The following DUSP28 variants were observed in gnomAD, a reference collection of about 807,000 sequenced individuals.
The protein encoded by DUSP28 is dual specificity phosphatase 28.
In DUSP28, 11 loss-of-function variants were observed where a neutral mutation model predicts 8.4. The ratio of observed to expected loss-of-function variants is 1.31; its 90% confidence interval spans 0.83 to 2.17. The LOEUF is 2.17. Ranked by LOEUF, DUSP28 falls within the 30% of genes most tolerant of loss-of-function variation. The pLI is 0.00. For synonymous variants in DUSP28, 178 were observed against 130.9 expected (o/e 1.36, Z -2.46); for missense variants, 373 against 270.4 (o/e 1.38, Z -2.66).
Position 240,561,273 on chromosome 2 carries a change from G to A in DUSP28, c.394-57G>A, listed in dbSNP as rs893548745. The A allele has an allele frequency of 6.8e-6, 11 of 1,611,358 alleles. No homozygotes were observed. The Admixed American group carries it at 1.8e-4, about 27-fold the overall frequency. ...CCACTCTTACAGCTGGGCCCGCCTT[G>A]GCCCCTGCTGGCCATTAGCGCGACT... On this transcript the variant is annotated intron_variant, in intron 1 of 1. Coordinates refer to ENST00000405954, the MANE Select transcript of DUSP28 (RefSeq NM_001370465.2).
rs1397408163 is a variant in DUSP28 at position 240,564,495 on chromosome 2, T to C, written c.*3028T>C. Among the ~76,000 whole-genome samples, 1 of 152,234 alleles carries C rather than the reference T, an allele frequency of 6.6e-6. No individual in the cohort carries two copies. Among genetic ancestry groups the C allele is most frequent in the Non-Finnish European group, 1.5e-5 (1 of 68,042 alleles). On this transcript the variant is annotated 3_prime_UTR_variant, in exon 2 of 2. Coordinates refer to ENST00000405954, the MANE Select transcript of DUSP28 (RefSeq NM_001370465.2). The stretch of plus-strand genomic sequence containing the variant: ...CATGGACCCCTGCACCACCATCTGC[T>C]CCGTCCTCTCCCTCTGGTCAGCTCA...
chr2:240,565,099 C>T lies in DUSP28; in HGVS notation c.*3632C>T, dbSNP rs948712881. On this transcript the variant is annotated 3_prime_UTR_variant, in exon 2 of 2. Coordinates refer to ENST00000405954, the MANE Select transcript of DUSP28 (RefSeq NM_001370465.2). ...GGACATCCTGTGGCCTAAAGACTATCCTAGAATCAACACTCCTTAAATAGG... is the reference window on the plus strand; with the variant it reads ...GGACATCCTGTGGCCTAAAGACTATTCTAGAATCAACACTCCTTAAATAGG... 2.0e-5 allele frequency among the ~76,000 whole-genome samples: 3 copies of T among 152,160 alleles called. No homozygotes were observed. Among genetic ancestry groups the T allele is most frequent in the South Asian group, 2.1e-4 (1 of 4,826 alleles).
Position 240,564,319 on chromosome 2 carries a change from TC to T in DUSP28, c.*2854del, listed in dbSNP as rs2092995777. Among the ~76,000 whole-genome samples, 2 of 152,140 alleles carry T rather than the reference TC, an allele frequency of 1.3e-5. No individual in the cohort carries two copies. Among genetic ancestry groups the T allele is most frequent in the South Asian group, 4.1e-4 (2 of 4,824 alleles). ...GTCCTGCCACCAGTGCCCTCTGAGG[TC>T]CATGGTCCCACGGCACCACGGCCGC... On this transcript the variant is annotated 3_prime_UTR_variant, in exon 2 of 2. Transcript: ENST00000405954.
chr2:240,560,774 C>T lies in DUSP28; in HGVS notation c.90C>T (p.Ser30=). The change falls in exon 1 of 2, where the codon AGC becomes AGT. Residue 30 remains serine, a synonymous_variant. Coordinates refer to ENST00000405954, the MANE Select transcript of DUSP28 (RefSeq NM_001370465.2). ...TCGCGCCCTCACTCTTCCTCGGGAG[C>T]GCGCGAGCCGCGGGCGCGGAGGAGC... ...VRVAPSLFLG[S]ARAAGAEEQL... The T allele has an allele frequency of 6.9e-7, 1 of 1,455,688 alleles. No homozygotes were observed. The highest frequency in any genetic ancestry group is 1.3e-5 in the South Asian group (1 of 74,684). The allele number at this position is 1,455,688 out of a possible 1,614,324, so 90.2% of individuals were successfully genotyped here. A position where few individuals can be genotyped will look rare whatever the true frequency, so the allele number is the denominator to read the frequency against.
rs1313358962 is a variant in DUSP28, at chr2:240,563,569, C to T, written c.*2102C>T. On this transcript the variant is annotated 3_prime_UTR_variant, in exon 2 of 2. Coordinates refer to ENST00000405954, the MANE Select transcript of DUSP28 (RefSeq NM_001370465.2). ...CCAGTCAGGCCCTATTGGAACAGGGCTTTTACCACCTAGGCGGAAGCTCAG... is the reference window on the plus strand; with the variant it reads ...CCAGTCAGGCCCTATTGGAACAGGGTTTTTACCACCTAGGCGGAAGCTCAG... The T allele has an allele frequency of 2.6e-5, 4 of 152,532 alleles. No individual in the cohort carries two copies. Among genetic ancestry groups the T allele is most frequent in the East Asian group, 1.9e-4 (1 of 5,346 alleles). The allele number at this position is 152,532 out of a possible 1,614,324, so 9.4% of individuals were successfully genotyped here. A position where few individuals can be genotyped will look rare whatever the true frequency, so the allele number is the denominator to read the frequency against.
chr2:240,561,001 GC>G lies in DUSP28; in HGVS notation c.319del (p.Arg107AlafsTer27). On this transcript the variant is annotated frameshift_variant, in exon 1 of 2. Coordinates refer to ENST00000405954, the MANE Select transcript of DUSP28 (RefSeq NM_001370465.2). LOFTEE classifies it high-confidence loss of function. ...GCCTGCCTAGTCTACTGCAAGAACG[GC>G]CGCAGCCGCTCGGCCGCCGTCTGCA... The part of the protein sequence containing the change: ...GGACLVYCKN[G>X]RSRSAAVCTA... 6.5e-7 allele frequency: 1 copy of G among 1,539,510 alleles called. No homozygotes were observed. The highest frequency in any genetic ancestry group is 8.7e-7 in the Non-Finnish European group (1 of 1,155,150).
In DUSP28 at chr2:240,564,722, G is replaced by C. The variant is rs958899532; in HGVS notation, c.*3255G>C. ...CCTGGAGCTGCCAGCAGAGCCTCCT[G>C]CCCACCAGCTGCTGAAGCCACAGTA... is the stretch of plus-strand genomic sequence containing the variant. On this transcript the variant is annotated 3_prime_UTR_variant, in exon 2 of 2. Coordinates refer to ENST00000405954, the MANE Select transcript of DUSP28 (RefSeq NM_001370465.2). 9.9e-5 allele frequency among the ~76,000 whole-genome samples: 15 copies of C among 152,170 alleles called. No individual in the cohort carries two copies. Among genetic ancestry groups the C allele is most frequent in the African/African-American group, 3.1e-4 (13 of 41,422 alleles).
Position 240,563,752 on chromosome 2 carries a change from C to G in DUSP28, c.*2285C>G, listed in dbSNP as rs568205018. ...ATGTTGCTATATGAACACATCGGGA[C>G]TGTGTCTGCAGGAAGGAGCTCCCCA... On this transcript the variant is annotated 3_prime_UTR_variant, in exon 2 of 2. Transcript: ENST00000405954. The G allele has an allele frequency of 7.2e-5, 11 of 152,448 alleles. No individual in the cohort carries two copies. Among genetic ancestry groups the G allele is most frequent in the Non-Finnish European group, 1.3e-4 (9 of 68,052 alleles). The allele number at this position is 152,448 out of a possible 1,614,324, so 9.4% of individuals were successfully genotyped here.
At position 240,560,951 on chromosome 2, in the gene DUSP28, G is replaced by A. The variant is rs990440994; in HGVS notation, c.267G>A (p.Met89Ile). Residue 89 changes from methionine to isoleucine, a missense_variant, in exon 1 of 2, where the codon ATG (methionine) becomes ATA (isoleucine). Physicochemically the swap from Met to Ile is conservative, Grantham distance 10 (BLOSUM62 1). Coordinates refer to ENST00000405954, the MANE Select transcript of DUSP28 (RefSeq NM_001370465.2). Reference sequence around the variant, plus strand: ...ACCTGGAGCCCACGTGCGCCGCCATGGAGGCCGCGGTGCGCGCCGGCGGCG... The same window carrying A: ...ACCTGGAGCCCACGTGCGCCGCCATAGAGGCCGCGGTGCGCGCCGGCGGCG... Reference protein sequence around the residue: ...LAHLEPTCAAMEAAVRAGGAC... With the variant: ...LAHLEPTCAAIEAAVRAGGAC... 25 of 1,524,542 alleles carry A rather than the reference G, an allele frequency of 1.6e-5. No homozygotes were observed. In the African/African-American group the frequency reaches 3.3e-4, roughly 20 times the overall value. 94.4% of individuals were successfully genotyped at this position (1,524,542 alleles called of 1,614,324 possible).
rs998697270 is a variant in DUSP28, at chr2:240,564,541, T to C, written c.*3074T>C. 6.6e-6 allele frequency among the ~76,000 whole-genome samples: 1 copy of C among 152,142 alleles called. No individual in the cohort carries two copies. Among genetic ancestry groups the C allele is most frequent in the African/African-American group, 2.4e-5 (1 of 41,420 alleles). On this transcript the variant is annotated 3_prime_UTR_variant, in exon 2 of 2. Coordinates refer to ENST00000405954, the MANE Select transcript of DUSP28 (RefSeq NM_001370465.2). ...GCTCAGCTTATTAAACAAGCCTTGGTCAGGAAAATCTAAACCACTTAAGGA... is the reference window on the plus strand; with the variant it reads ...GCTCAGCTTATTAAACAAGCCTTGGCCAGGAAAATCTAAACCACTTAAGGA...
At position 240,564,951 on chromosome 2, in the gene DUSP28, A is replaced by G. The variant is rs2092997534; in HGVS notation, c.*3484A>G. On this transcript the variant is annotated 3_prime_UTR_variant, in exon 2 of 2. Transcript: ENST00000405954. Reference sequence around the variant, plus strand: ...ACATTGCACCCCAACTTAAGGTCACATAGCTACTGTCAAGCCAACAAGGTG... The same window carrying G: ...ACATTGCACCCCAACTTAAGGTCACGTAGCTACTGTCAAGCCAACAAGGTG... 6.6e-6 allele frequency among the ~76,000 whole-genome samples: 1 copy of G among 152,202 alleles called. No individual in the cohort carries two copies. Among genetic ancestry groups the G allele is most frequent in the African/African-American group, 2.4e-5 (1 of 41,454 alleles).
Position 240,560,925 on chromosome 2 carries a change from C to T in DUSP28, c.241C>T (p.His81Tyr), listed in dbSNP as rs1359480148. The change falls in exon 1 of 2, where the codon CAC (histidine) becomes TAC (tyrosine). Residue 81 changes from histidine (H) to tyrosine (Y), a missense_variant. His to Tyr is a moderately conservative substitution (Grantham distance 83, BLOSUM62 2). Transcript: ENST00000405954. ...FDDPAEDLLA[H>Y]LEPTCAAMEA... ...CGACCCGGCTGAGGACCTGCTGGCG[C>T]ACCTGGAGCCCACGTGCGCCGCCAT... The T allele has an allele frequency of 6.5e-7, 1 of 1,538,438 alleles. No individual in the cohort carries two copies. The highest frequency in any genetic ancestry group is 8.7e-7 in the Non-Finnish European group (1 of 1,155,784).
upstream of DUSP28, chr2:240,560,241 G>A (rs2092832407): frequency 6.4e-6 from 1 of 157,370 alleles, no homozygotes; most frequent in African/African-American, 2.4e-5. Flanking sequence ...CACGTGCACC[G>A]GGTAGCCACG....
At chr2:240,560,337 G>C (rs982426198), upstream of DUSP28, 1 of 198,358 alleles carries the variant, frequency 5.0e-6, no homozygotes, top group Non-Finnish European at 1.0e-5. Flanking sequence ...AGAGCGGGCA[G>C]GGCGCTGCGC....
chr2:240,562,558 A>G lies in DUSP28; in HGVS notation c.*1091A>G, dbSNP rs1325748496. 2 of 152,174 alleles carry G rather than the reference A, an allele frequency of 1.3e-5. No homozygotes were observed. Among genetic ancestry groups the G allele is most frequent in the South Asian group, 2.1e-4 (1 of 4,828 alleles). 9.4% of individuals were successfully genotyped at this position (152,174 alleles called of 1,614,324 possible). A position where few individuals can be genotyped will look rare whatever the true frequency, so the allele number is the denominator to read the frequency against. On this transcript the variant is annotated 3_prime_UTR_variant, in exon 2 of 2. Coordinates refer to ENST00000405954, the MANE Select transcript of DUSP28 (RefSeq NM_001370465.2). ...CGGGGAGGAAGCCTGGTAGATTATA[A>G]TATTTCCAGGGATAACAGTGTGGCA...
At chr2:240,561,264 G>A in intron 1 of DUSP28, 66 bp from the exon 2 acceptor site, 1 of 1,609,278 alleles carries the variant, frequency 6.2e-7, no homozygotes. Context: ...TTACAGCTGG[G>A]CCCGCCTTGG....
chr2:240,560,897 C>A lies in DUSP28; in HGVS notation c.213C>A (p.Phe71Leu). ...TGGCAGAGCTGCGCGTGCCCGTGTT[C>A]GACGACCCGGCTGAGGACCTGCTGG... is the stretch of plus-strand genomic sequence containing the variant. ...PGVAELRVPV[F>L]DDPAEDLLAH... Residue 71 changes from phenylalanine to leucine, a missense_variant, in exon 1 of 2, where the codon TTC (phenylalanine) becomes TTA (leucine). Physicochemically the swap from Phe to Leu is conservative, Grantham distance 22. Transcript: ENST00000405954. 1 of 1,521,826 alleles carries A rather than the reference C, an allele frequency of 6.6e-7. No homozygotes were observed. Among genetic ancestry groups the A allele is most frequent in the Non-Finnish European group, 8.7e-7 (1 of 1,148,486 alleles). The allele number at this position is 1,521,826 out of a possible 1,614,324, so 94.3% of individuals were successfully genotyped here.
rs2125444875 is a variant in DUSP28, at chr2:240,563,418, G to GA, written c.*1951_*1952insA. 1 of 152,348 alleles carries GA rather than the reference G, an allele frequency of 6.6e-6. No individual in the cohort carries two copies. The highest frequency in any genetic ancestry group is 1.9e-4 in the East Asian group (1 of 5,182). 9.4% of individuals were successfully genotyped at this position (152,348 alleles called of 1,614,324 possible). A position where few individuals can be genotyped will look rare whatever the true frequency, so the allele number is the denominator to read the frequency against. On this transcript the variant is annotated 3_prime_UTR_variant, in exon 2 of 2. Transcript: ENST00000405954. ...GGGGTTTCACTGTGTTAGCCAGGAT[G>GA]GTCTCAATCTCCTGACCTCATGATC...
Position 240,563,388 on chromosome 2 carries a change from G to C in DUSP28, c.*1921G>C, listed in dbSNP as rs1308954691. 6.6e-6 allele frequency: 1 copy of C among 152,226 alleles called. No homozygotes were observed. Among genetic ancestry groups the C allele is most frequent in the African/African-American group, 2.4e-5 (1 of 41,434 alleles). The allele number at this position is 152,226 out of a possible 1,614,324, so 9.4% of individuals were successfully genotyped here. A position where few individuals can be genotyped will look rare whatever the true frequency, so the allele number is the denominator to read the frequency against. On this transcript the variant is annotated 3_prime_UTR_variant, in exon 2 of 2. Transcript: ENST00000405954. Reference sequence around the variant, plus strand: ...AGCTAATTTCTTTGTATTTTTGGTAGAGACGGGGTTTCACTGTGTTAGCCA... The same window carrying C: ...AGCTAATTTCTTTGTATTTTTGGTACAGACGGGGTTTCACTGTGTTAGCCA...
Sources: allele counts gnomAD v4.1 joint callset (sites outside exome capture counted in the v4.1 genomes callset), GRCh38; gene constraint gnomAD v4.1.1; transcripts MANE v1.5; gene names NCBI Gene and HGNC (gene_info 2026-07-23, HGNC 2026-07-21).